The following IGF1R variants were observed in gnomAD, a reference collection of about 807,000 sequenced individuals.
IGF1R encodes the protein insulin like growth factor 1 receptor.
A neutral mutation model predicts 144.6 loss-of-function variants in IGF1R; 44 were observed. The ratio of observed to expected loss-of-function variants is 0.30; its 90% CI spans 0.24 to 0.39. The LOEUF is 0.39. Among genes scored for constraint, IGF1R ranks in the 10% least tolerant of loss-of-function variants. The pLI is 1.00. For missense variants in IGF1R, 1,355 were observed against 1,833.7 expected, an observed-to-expected ratio of 0.74 and a Z score of 4.77; for synonymous variants, 795 against 722.8, an observed-to-expected ratio of 1.10 and a Z score of -1.60.
At chr15:98,823,641 G>A (rs142000662) in intron 2 of IGF1R, among the ~76,000 whole-genome samples, 1 of 152,342 alleles carries the variant, frequency 6.6e-6, no homozygotes, top group Non-Finnish European at 1.5e-5. Flanking sequence ...GAGCTGCACA[G>A]GGCTGGTCTG....
intron 1 of IGF1R, among the ~76,000 whole-genome samples, chr15:98,667,190 G>A (rs1049859118): frequency 1.1e-4 from 16 of 151,860 alleles, no homozygotes; most frequent in South Asian, 2.1e-4. Flanking sequence ...TCATGCCACC[G>A]TAGTCACAAA....
intron 2 of IGF1R, among the ~76,000 whole-genome samples, chr15:98,810,702 C>A (rs1411714824): frequency 6.6e-6 from 1 of 152,052 alleles, no homozygotes; most frequent in Non-Finnish European, 1.5e-5. Context: ...GCGCCCGCCA[C>A]CACGCCCGGC....
rs376492089 is a variant in IGF1R at position 98,819,375 on chromosome 15, T to C, written c.641-71950T>C. On this transcript the variant is annotated intron_variant, in intron 2 of 20. Transcript: ENST00000650285. ...GAAACCTAATCACCATGTGATGATATTAGGAGCTGGGGCCTTTAGGAAGGG... is the reference window on the plus strand; with the variant it reads ...GAAACCTAATCACCATGTGATGATACTAGGAGCTGGGGCCTTTAGGAAGGG... Among the ~76,000 whole-genome samples, 33 of 152,300 alleles carry C rather than the reference T, an allele frequency of 2.2e-4. No homozygotes were observed. In the East Asian group the frequency reaches 2.5e-3, roughly 12 times the overall value.
chr15:98,684,375 T>G (rs2053269338), intron 1 of IGF1R, among the ~76,000 whole-genome samples: 1 of 151,814 alleles, frequency 6.6e-6, no homozygotes, highest in South Asian at 2.1e-4. Flanking sequence ...CTGTGGGGTT[T>G]TTTTTGTTTG....
chr15:98,857,091 AC>A (rs1447571207), intron 2 of IGF1R, among the ~76,000 whole-genome samples: 1 of 152,094 alleles, frequency 6.6e-6, no homozygotes, highest in Non-Finnish European at 1.5e-5. Context: ...GAGAATGTAT[AC>A]TGGGTTTGTG....
intron 2 of IGF1R, among the ~76,000 whole-genome samples, chr15:98,806,994 C>G (rs2056486080): frequency 6.6e-6 from 1 of 151,566 alleles, no homozygotes; most frequent in Non-Finnish European, 1.5e-5. Flanking sequence ...AACCCCGTCT[C>G]AAAAGAAAAA....
chr15:98,866,047 A>G (rs1383607136), intron 2 of IGF1R, among the ~76,000 whole-genome samples: 1 of 152,212 alleles, frequency 6.6e-6, no homozygotes, highest in Non-Finnish European at 1.5e-5. Context: ...CACGGGGCGC[A>G]GTTTAAAATG....
intron 1 of IGF1R, among the ~76,000 whole-genome samples, chr15:98,665,606 A>C (rs768750363): frequency 1.3e-5 from 2 of 152,232 alleles, no homozygotes; most frequent in Non-Finnish European, 1.5e-5. Context: ...ACAGGATCTG[A>C]AAAACACTTA....
intron 1 of IGF1R, among the ~76,000 whole-genome samples, chr15:98,655,753 T>C (rs999561396): frequency 8.6e-5 from 13 of 151,684 alleles, no homozygotes; most frequent in African/African-American, 2.9e-4. Flanking sequence ...ACAGGGTCTC[T>C]GGTCACCTAG....
At chr15:98,896,235 C>T (rs2014191508) in intron 3 of IGF1R, among the ~76,000 whole-genome samples, 1 of 152,154 alleles carries the variant, frequency 6.6e-6, no homozygotes, top group Admixed American at 6.5e-5. Flanking sequence ...TACCACATGC[C>T]TTTTGGTATC....
Position 98,848,429 on chromosome 15 carries a change from C to T in IGF1R, c.641-42896C>T, listed in dbSNP as rs528245547. On this transcript the variant is annotated intron_variant, in intron 2 of 20. Transcript: ENST00000650285. ...TGCATTGCTAATACAGTCAGCCCAG[C>T]CAAGATAGTGCCATCCTCCGCAAGC... Among the ~76,000 whole-genome samples, 5 of 152,342 alleles carry T rather than the reference C, an allele frequency of 3.3e-5. No homozygotes were observed. In the East Asian group the frequency reaches 7.7e-4, roughly 24 times the overall value.
At chr15:98,786,220 A>C (rs1196207000) in intron 2 of IGF1R, among the ~76,000 whole-genome samples, 1 of 152,238 alleles carries the variant, frequency 6.6e-6, no homozygotes, top group Non-Finnish European at 1.5e-5. Context: ...ATTTGGGGTC[A>C]GCACCTGTTT....
chr15:98,673,728 G>C (rs1332634858), intron 1 of IGF1R, among the ~76,000 whole-genome samples: 1 of 152,160 alleles, frequency 6.6e-6, no homozygotes, highest in African/African-American at 2.4e-5. Context: ...GGAGCTGGGT[G>C]CTCTGAATGA....
intron 5 of IGF1R, 50 bp downstream of exon 5, chr15:98,899,671 C>G (rs1192875283): frequency 6.4e-7 from 1 of 1,571,856 alleles, no homozygotes; most frequent in Non-Finnish European, 8.8e-7. Flanking sequence ...AAATAAGCAG[C>G]GTGCTTATGA....
At chr15:98,811,697 C>T (rs1279944875) in intron 2 of IGF1R, among the ~76,000 whole-genome samples, 2 of 151,980 alleles carry the variant, frequency 1.3e-5, no homozygotes, top group African/African-American at 2.4e-5. Context: ...GAGGCCGAGG[C>T]GGGCGGATCA....
At chr15:98,649,711 A>G in intron 1 of IGF1R, 36 bp downstream of exon 1, 2 of 1,495,142 alleles carry the variant, frequency 1.3e-6, no homozygotes, top group Non-Finnish European at 1.9e-6. Flanking sequence ...CCACTGCGGG[A>G]ACTTTTCCTC....
At chr15:98,887,615 G>A (rs1344269429) in intron 2 of IGF1R, among the ~76,000 whole-genome samples, 2 of 152,218 alleles carry the variant, frequency 1.3e-5, no homozygotes, top group Admixed American at 6.5e-5. Flanking sequence ...TGGTGATGGT[G>A]ATGTCTGAAG....
intron 2 of IGF1R, among the ~76,000 whole-genome samples, chr15:98,807,124 A>G (rs181129671): frequency 2.0e-5 from 3 of 152,364 alleles, no homozygotes; most frequent in Admixed American, 6.5e-5. Flanking sequence ...CCTGGCTTAC[A>G]GTTGCTCAGT....
At chr15:98,945,057 T>C (rs1360698835) in intron 19 of IGF1R, among the ~76,000 whole-genome samples, 2 of 152,202 alleles carry the variant, frequency 1.3e-5, no homozygotes, top group African/African-American at 2.4e-5. Context: ...CTGTGGCTGC[T>C]CTCCCTGCAG....
Sources: gnomAD v4.1 joint callset for allele counts (sites outside exome capture counted in the v4.1 genomes callset) on GRCh38, gnomAD v4.1.1 for gene constraint, MANE v1.5 for transcripts, NCBI Gene and HGNC (gene_info 2026-07-23, HGNC 2026-07-21) for gene names.